The following SLC16A12 variants were observed in gnomAD, a reference collection of about 807,000 sequenced individuals.
The protein encoded by SLC16A12 is monocarboxylate transporter 12.
A neutral mutation model predicts 42.4 loss-of-function variants in SLC16A12; 17 were observed. The ratio of observed to expected loss-of-function variants is 0.40; its 90% CI spans 0.27 to 0.60. The LOEUF (loss-of-function observed/expected upper bound fraction) is 0.60, where lower values mean the gene tolerates loss of function less well. Ranked by LOEUF, SLC16A12 falls within the 20% of genes least tolerant of loss-of-function variation. The probability of loss-of-function intolerance (pLI) is 0.42; values close to 1 mark genes in which losing one functional copy is unlikely to be tolerated. For synonymous variants in SLC16A12, 224 were observed against 229.4 expected, an observed-to-expected ratio of 0.98 and a Z score of 0.21; for missense variants, 544 against 623.0, an observed-to-expected ratio of 0.87 and a Z score of 1.35.
upstream of SLC16A12, among the ~76,000 whole-genome samples, chr10:89,535,789 G>T (rs1843648877): frequency 6.6e-6 from 1 of 152,116 alleles, no homozygotes; most frequent in Non-Finnish European, 1.5e-5. Context: ...GCCCCAGGCT[G>T]CGCGATCCGC....
chr10:89,555,679 G>GATATGTA (rs1843810828), intron 2 of SLC16A12, among the ~76,000 whole-genome samples: 1 of 100,626 alleles, frequency 9.9e-6, no homozygotes, highest in African/African-American at 3.7e-5. Context: ...ACATATATAC[G>GATATGTA]TATATACACA....
chr10:89,539,081 T>C (rs1400409693), upstream of SLC16A12, among the ~76,000 whole-genome samples: 2 of 152,230 alleles, frequency 1.3e-5, no homozygotes, highest in Non-Finnish European at 2.9e-5. Context: ...TCCTCTGCTG[T>C]ATTCATAGTG....
At chr10:89,465,752 C>T (rs1842384053) in intron 2 of SLC16A12, among the ~76,000 whole-genome samples, 5 of 152,192 alleles carry the variant, frequency 3.3e-5, no homozygotes, top group Admixed American at 3.3e-4. Context: ...TCTATCTGCT[C>T]TTTCCAGTGG....
intron 2 of SLC16A12, among the ~76,000 whole-genome samples, chr10:89,555,618 G>A (rs1337192527): frequency 7.2e-6 from 1 of 138,368 alleles, no homozygotes; most frequent in South Asian, 2.2e-4. Flanking sequence ...TATATATACA[G>A]ATATGTATAT....
chr10:89,548,357 C>G (rs962974022), intron 2 of SLC16A12, among the ~76,000 whole-genome samples: 26 of 151,946 alleles, frequency 1.7e-4, no homozygotes, highest in African/African-American at 6.3e-4. Context: ...AGTGAAGTAC[C>G]CAGCAAACTG....
chr10:89,458,242 C>A (rs1439687809), intron 3 of SLC16A12, among the ~76,000 whole-genome samples: 1 of 152,176 alleles, frequency 6.6e-6, no homozygotes, highest in Non-Finnish European at 1.5e-5. Flanking sequence ...AGCCCATATA[C>A]CTCTGGCCAA....
At position 89,489,534 on chromosome 10, in the gene SLC16A12, C is replaced by T. The variant is rs529266191; in HGVS notation, c.-46-26910G>A. 2.0e-5 allele frequency among the ~76,000 whole-genome samples: 3 copies of T among 151,936 alleles called. No individual in the cohort carries two copies. The South Asian group carries it at 6.2e-4, about 32-fold the overall frequency. On this transcript the variant is annotated intron_variant, in intron 2 of 7. Transcript: ENST00000371790. ...TTTGTGTGCTTTTTGTAGAGACGGG[C>T]TCTCCCCATGTTACCCAGGCTGGTG...
intron 2 of SLC16A12, among the ~76,000 whole-genome samples, chr10:89,466,232 C>A (rs987381533): frequency 2.6e-5 from 4 of 152,120 alleles, no homozygotes; most frequent in Non-Finnish European, 5.9e-5. Context: ...ATATTATTTG[C>A]CATGTGATTT....
At chr10:89,524,112 T>A (rs1362671077) in intron 2 of SLC16A12, among the ~76,000 whole-genome samples, 1 of 152,186 alleles carries the variant, frequency 6.6e-6, no homozygotes, top group Non-Finnish European at 1.5e-5. Flanking sequence ...TTCTACCACA[T>A]GCCTTATAGG....
At chr10:89,531,897 C>G (rs897758948) in intron 2 of SLC16A12, among the ~76,000 whole-genome samples, 1 of 152,232 alleles carries the variant, frequency 6.6e-6, no homozygotes, top group African/African-American at 2.4e-5. Context: ...CCTGCCTGCT[C>G]TCTCTTCTTC....
chr10:89,441,349 T>C (rs7094405), intron 4 of SLC16A12, 98 bp from the exon 5 acceptor site: 5 of 1,446,312 alleles, frequency 3.5e-6, no homozygotes, highest in Non-Finnish European at 4.8e-6. Context: ...CTTTAAAGCA[T>C]TGAGCCCACC....
intron 2 of SLC16A12, among the ~76,000 whole-genome samples, chr10:89,512,299 G>A (rs563079659): frequency 5.9e-5 from 9 of 152,266 alleles, no homozygotes; most frequent in Middle Eastern, 3.4e-3. Flanking sequence ...TGGTCTCTGC[G>A]CTCCCCATCA....
At chr10:89,448,511 G>A (rs1388556532) in intron 3 of SLC16A12, among the ~76,000 whole-genome samples, 1 of 152,038 alleles carries the variant, frequency 6.6e-6, no homozygotes, top group Non-Finnish European at 1.5e-5. Flanking sequence ...AAAACCACAT[G>A]ATTATCTCAA....
intron 6 of SLC16A12, among the ~76,000 whole-genome samples, chr10:89,436,914 A>AAGAAAGAAAGAAAGAAAAAGAAAG: frequency 7.3e-6 from 1 of 136,562 alleles, no homozygotes; most frequent in African/African-American, 2.8e-5. Context: ...GAAAGAAAGA[A>AAGAAAGAAAGAAAGAAAAAGAAAG]AAAGAAAGAG....
intron 3 of SLC16A12, among the ~76,000 whole-genome samples, chr10:89,448,832 TG>T (rs1842045477): frequency 6.6e-6 from 1 of 152,220 alleles, no homozygotes; most frequent in South Asian, 2.1e-4. Context: ...TGTTTGCAGA[TG>T]ACATGATTGT....
At chr10:89,495,257 G>A (rs757784149) in intron 2 of SLC16A12, among the ~76,000 whole-genome samples, 10 of 152,134 alleles carry the variant, frequency 6.6e-5, no homozygotes, top group South Asian at 2.1e-4. Flanking sequence ...GGGAAGCTGA[G>A]ACAGGAGAAT....
At chr10:89,554,103 G>A (rs796450473) in intron 2 of SLC16A12, among the ~76,000 whole-genome samples, 119 of 103,064 alleles carry the variant, frequency 1.2e-3, no homozygotes, top group African/African-American at 3.2e-3. Context: ...AAAGAAAGAA[G>A]GAAGGAAGGA....
chr10:89,541,038 C>G (rs1261460725), intron 2 of SLC16A12, among the ~76,000 whole-genome samples: 1 of 151,650 alleles, frequency 6.6e-6, no homozygotes, highest in African/African-American at 2.4e-5. Flanking sequence ...TCTCCTGCCT[C>G]AGCCTCCTGA....
chr10:89,444,840 C>T (rs555668397), intron 3 of SLC16A12, among the ~76,000 whole-genome samples: 1 of 152,368 alleles, frequency 6.6e-6, no homozygotes, highest in East Asian at 1.9e-4. Context: ...TTTCCCTTTC[C>T]TAGCTAAGGG....
Sources: allele counts gnomAD v4.1 joint callset (sites outside exome capture counted in the v4.1 genomes callset), GRCh38; gene constraint gnomAD v4.1.1; transcripts MANE v1.5; gene names NCBI Gene and HGNC (gene_info 2026-07-23, HGNC 2026-07-21).